Variants in DCDC1 observed in about 807,000 individuals in gnomAD.
DCDC1 encodes doublecortin domain containing 1.
A neutral mutation model predicts 178.3 loss-of-function variants in DCDC1; 200 were observed. That is an observed-to-expected ratio of 1.12 (90% CI 1.00 to 1.26). The LOEUF (loss-of-function observed/expected upper bound fraction) is 1.26, where lower values mean the gene tolerates loss of function less well. DCDC1 is among the 50% of genes most tolerant of loss of function. The pLI is 0.00. For missense variants in DCDC1, 1,983 were observed against 1,749.2 expected (o/e 1.13, Z -2.38); for synonymous variants, 690 against 604.8 (o/e 1.14, Z -2.07).
intron 34 of DCDC1, among the ~76,000 whole-genome samples, chr11:30,897,309 C>T (rs1408011759): frequency 6.6e-6 from 1 of 152,044 alleles, no homozygotes; most frequent in African/African-American, 2.4e-5. Context: ...AAATACTTGG[C>T]CGGACGCAGT....
intron 36 of DCDC1, among the ~76,000 whole-genome samples, chr11:30,887,105 T>G (rs1371435644): frequency 6.6e-6 from 1 of 152,098 alleles, no homozygotes; most frequent in African/African-American, 2.4e-5. Flanking sequence ...AATATGAAAA[T>G]AAAGCATTTT....
rs1037799349 is a variant in DCDC1 at position 30,936,833 on chromosome 11, G to A, written c.2716-4881C>T. On this transcript the variant is annotated intron_variant, in intron 21 of 38. Transcript: ENST00000684477. ...ACAAAGGAATATTTTATGGTGATACGTAGGTTCTAATAGTCAATTTTTAAT... is the reference window on the plus strand; with the variant it reads ...ACAAAGGAATATTTTATGGTGATACATAGGTTCTAATAGTCAATTTTTAAT... 4.6e-5 allele frequency among the ~76,000 whole-genome samples: 7 copies of A among 152,300 alleles called. No homozygotes were observed. In the South Asian group the frequency reaches 6.2e-4, roughly 14 times the overall value.
intron 20 of DCDC1, among the ~76,000 whole-genome samples, chr11:30,964,977 C>A (rs929112748): frequency 2.0e-5 from 3 of 152,110 alleles, no homozygotes; most frequent in African/African-American, 4.8e-5. Context: ...ATCTCTAAAG[C>A]CCTCAGAAAA....
At chr11:31,153,312 T>C (rs1965368161) in intron 9 of DCDC1, among the ~76,000 whole-genome samples, 1 of 152,206 alleles carries the variant, frequency 6.6e-6, no homozygotes, top group Admixed American at 6.5e-5. Context: ...TCTCATGTTA[T>C]ACAACTATCT....
At chr11:30,900,199 G>C (rs968323565) in intron 33 of DCDC1, 147 bp downstream of exon 33, 1 of 777,488 alleles carries the variant, frequency 1.3e-6, no homozygotes, top group African/African-American at 1.8e-5. Context: ...GCACATATTA[G>C]TTGATGAACC....
chr11:31,168,489 G>T (rs1354020215), intron 9 of DCDC1, among the ~76,000 whole-genome samples: 1 of 152,128 alleles, frequency 6.6e-6, no homozygotes, highest in Non-Finnish European at 1.5e-5. Flanking sequence ...GTATATTCCT[G>T]CCCTTAGCAT....
intron 9 of DCDC1, among the ~76,000 whole-genome samples, chr11:31,148,697 C>T (rs1190033458): frequency 7.2e-6 from 1 of 138,724 alleles, no homozygotes; most frequent in East Asian, 2.1e-4. Context: ...AGCAAGACTC[C>T]GTCTCAAAAA....
intron 9 of DCDC1, among the ~76,000 whole-genome samples, chr11:31,216,496 C>T (rs1427475662): frequency 1.3e-5 from 2 of 152,180 alleles, no homozygotes; most frequent in African/African-American, 4.8e-5. Flanking sequence ...ACTGTAGAAT[C>T]CAAACTACTT....
intron 9 of DCDC1, among the ~76,000 whole-genome samples, chr11:31,234,302 C>T (rs542504062): frequency 2.0e-5 from 3 of 152,124 alleles, no homozygotes; most frequent in Non-Finnish European, 4.4e-5. Context: ...TTAATTCCCA[C>T]CTTTTGCAAC....
intron 25 of DCDC1, among the ~76,000 whole-genome samples, chr11:30,919,414 A>G (rs1946083967): frequency 2.0e-5 from 3 of 152,208 alleles, no homozygotes; most frequent in Admixed American, 2.0e-4. Flanking sequence ...GAACCCAATC[A>G]CTTTTAACCT....
At chr11:31,110,978 GAAA>G (rs34133645) in intron 11 of DCDC1, among the ~76,000 whole-genome samples, 33 of 150,526 alleles carry the variant, frequency 2.2e-4, no homozygotes, top group Non-Finnish European at 3.1e-4. Flanking sequence ...ACTCGCTGGG[GAAA>G]AAAAAAAATG....
intron 9 of DCDC1, among the ~76,000 whole-genome samples, chr11:31,221,397 C>T (rs920275086): frequency 4.6e-5 from 7 of 152,164 alleles, no homozygotes; most frequent in African/African-American, 1.7e-4. Flanking sequence ...GGTGACATGT[C>T]CCAAACAAGT....
chr11:31,275,459 C>T (rs912913027), intron 7 of DCDC1, among the ~76,000 whole-genome samples: 2 of 152,108 alleles, frequency 1.3e-5, no homozygotes, highest in Non-Finnish European at 2.9e-5. Flanking sequence ...CCTTTTGACT[C>T]AAGGAAGACT....
intron 20 of DCDC1, among the ~76,000 whole-genome samples, chr11:30,973,958 A>C (rs995684574): frequency 2.0e-5 from 3 of 147,658 alleles, no homozygotes; most frequent in Admixed American, 2.0e-4. Context: ...CAGTACATGG[A>C]ACATTCTCCA....
At chr11:31,007,355 T>C (rs565348132) in intron 20 of DCDC1, among the ~76,000 whole-genome samples, 1 of 152,312 alleles carries the variant, frequency 6.6e-6, no homozygotes, top group East Asian at 1.9e-4. Context: ...CACTTGGAAG[T>C]AAGATTGCCT....
intron 20 of DCDC1, among the ~76,000 whole-genome samples, chr11:30,954,013 T>TC (rs1267037021): frequency 1.5e-5 from 2 of 133,376 alleles, no homozygotes; most frequent in African/African-American, 2.9e-5. Context: ...TTCTTTTTTT[T>TC]TTTTTTTTTT....
At chr11:31,051,752 G>A (rs1183385810) in intron 20 of DCDC1, among the ~76,000 whole-genome samples, 1 of 152,124 alleles carries the variant, frequency 6.6e-6, no homozygotes, top group Admixed American at 6.6e-5. Flanking sequence ...AAAAGATATA[G>A]TCGTTTTCAG....
At chr11:31,097,997 A>G (rs991893750) in intron 15 of DCDC1, among the ~76,000 whole-genome samples, 1 of 152,214 alleles carries the variant, frequency 6.6e-6, no homozygotes, top group African/African-American at 2.4e-5. Context: ...TTCCAAAATT[A>G]TAATTTGATG....
chr11:31,120,915 G>C (rs1461604776), intron 11 of DCDC1, among the ~76,000 whole-genome samples: 1 of 152,128 alleles, frequency 6.6e-6, no homozygotes, highest in East Asian at 1.9e-4. Context: ...CATTTCCATG[G>C]GGATGAAGAG....
Sources: allele counts gnomAD v4.1 joint callset (sites outside exome capture counted in the v4.1 genomes callset), GRCh38; gene constraint gnomAD v4.1.1; transcripts MANE v1.5; gene names NCBI Gene and HGNC (gene_info 2026-07-23, HGNC 2026-07-21).